Variants in SLC35A3 observed in about 807,000 individuals in gnomAD.
SLC35A3 encodes the protein solute carrier family 35 member A3, also known as UDP-N-acetylglucosamine transporter.
SLC35A3 carries 26 observed loss-of-function variants against 39.0 expected under a neutral mutation model. That is an observed-to-expected ratio of 0.67 (90% CI 0.49 to 0.92). The LOEUF is 0.92. Ranked by LOEUF, SLC35A3 falls within the 40% of genes least tolerant of loss-of-function variation. The probability of loss-of-function intolerance (pLI) is 0.00; values close to 1 mark genes in which losing one functional copy is unlikely to be tolerated. For missense variants in SLC35A3, 299 were observed against 371.6 expected (o/e 0.80, Z 1.61); for synonymous variants, 135 against 133.1 (o/e 1.01, Z -0.10).
At chr1:99,983,353 C>A (rs1334030391) in intron 1 of SLC35A3, among the ~76,000 whole-genome samples, 1 of 151,876 alleles carries the variant, frequency 6.6e-6, no homozygotes, top group African/African-American at 2.4e-5. Flanking sequence ...ACCTGACCAA[C>A]ATGGTGAAAC....
rs376707219 is a variant in SLC35A3 at position 100,022,526 on chromosome 1, G to C, written c.*50G>C. The C allele has an allele frequency of 1.1e-6, 1 of 948,870 alleles. No homozygotes were observed. The allele number at this position is 948,870 out of a possible 1,614,324, so 58.8% of individuals were successfully genotyped here. A position where few individuals can be genotyped will look rare whatever the true frequency, so the allele number is the denominator to read the frequency against. On this transcript the variant is annotated 3_prime_UTR_variant, in exon 8 of 8. Transcript: ENST00000533028. ...TTCACGATGGGGCACTAGGAATCTC[G>C]ACATTAATCTTGCACAGAGGACTTC...
rs2101522206 is a variant in SLC35A3, at chr1:100,024,785, T to A, written c.*2309T>A. 2.5e-6 allele frequency: 1 copy of A among 395,878 alleles called. No homozygotes were observed. Among genetic ancestry groups the A allele is most frequent in the East Asian group, 3.6e-5 (1 of 27,830 alleles). 24.5% of individuals were successfully genotyped at this position (395,878 alleles called of 1,614,324 possible). A position where few individuals can be genotyped will look rare whatever the true frequency, so the allele number is the denominator to read the frequency against. ...GGCGTGAGCCACTGCGCCCGGCCTA[T>A]ACTGTATATATTTTTAAAGACTGTT... On this transcript the variant is annotated 3_prime_UTR_variant, in exon 8 of 8. Coordinates refer to ENST00000533028, the MANE Select transcript of SLC35A3 (RefSeq NM_012243.3).
Position 99,986,165 on chromosome 1 carries a change from C to CTT in SLC35A3, c.-18-7356_-18-7355dup, listed in dbSNP as rs199503957. 7.6e-3 allele frequency among the ~76,000 whole-genome samples: 1,045 copies of CTT among 137,960 alleles called. 9 individuals are homozygous for CTT. The highest frequency in any genetic ancestry group is 0.026 in the African/African-American group (986 of 37,490). 90.5% of individuals were successfully genotyped at this position (137,960 alleles called of 152,430 possible). On this transcript the variant is annotated intron_variant, in intron 1 of 7. Coordinates refer to ENST00000533028, the MANE Select transcript of SLC35A3 (RefSeq NM_012243.3). ...TGATCATTTGTTTGCATATATTCTA[C>CTT]TTTTTTTTTTTTTTTTTGAGACAGG... is the stretch of plus-strand genomic sequence containing the variant.
chr1:100,017,391 A>T (rs1010722457), intron 6 of SLC35A3, among the ~76,000 whole-genome samples: 3 of 152,226 alleles, frequency 2.0e-5, no homozygotes, highest in African/African-American at 7.2e-5. Context: ...AGTGATGTTT[A>T]ATTACTAAAT....
intron 1 of SLC35A3, among the ~76,000 whole-genome samples, chr1:99,981,516 G>C (rs901148361): frequency 6.6e-6 from 1 of 152,014 alleles, no homozygotes; most frequent in Non-Finnish European, 1.5e-5. Flanking sequence ...GTCTTGCTCT[G>C]TTGCCCAGGC....
chr1:99,975,789 G>C (rs1298889842), intron 1 of SLC35A3, among the ~76,000 whole-genome samples: 2 of 152,194 alleles, frequency 1.3e-5, no homozygotes, highest in Non-Finnish European at 2.9e-5. Context: ...GCAAGGCACA[G>C]TGACTCATGC....
intron 3 of SLC35A3, among the ~76,000 whole-genome samples, chr1:100,004,670 A>AT (rs1348659899): frequency 6.6e-6 from 1 of 151,828 alleles, no homozygotes; most frequent in Non-Finnish European, 1.5e-5. Flanking sequence ...CTCTCATTTT[A>AT]TTTTTAAAAA....
intron 1 of SLC35A3, among the ~76,000 whole-genome samples, chr1:99,989,024 G>A (rs1207466239): frequency 2.0e-5 from 3 of 152,074 alleles, no homozygotes; most frequent in Non-Finnish European, 4.4e-5. Flanking sequence ...GCCTCCCAAA[G>A]TGCTGTTTTC....
In SLC35A3 at chr1:100,011,407, G is replaced by T. The variant is rs1341783993; in HGVS notation, c.508G>T (p.Gly170Cys). 1 of 1,570,896 alleles carries T rather than the reference G, an allele frequency of 6.4e-7. No individual in the cohort carries two copies. The highest frequency in any genetic ancestry group is 8.7e-7 in the Non-Finnish European group (1 of 1,154,736). The stretch of plus-strand genomic sequence containing the variant: ...GCTTGATTCTAAGGAACTTTCAGCT[G>T]GTTCTCAATTTGTAGGACTCATGGC... ...SQLDSKELSA[G>C]SQFVGLMAVL... is the part of the protein sequence containing the mutation. The change falls in exon 5 of 8, where the codon GGT (glycine) becomes TGT (cysteine). Residue 170 changes from glycine (G) to cysteine (C), a missense_variant. Gly to Cys is a radical substitution (Grantham distance 159). Transcript: ENST00000533028.
intron 3 of SLC35A3, among the ~76,000 whole-genome samples, chr1:100,003,807 G>T (rs1659001943): frequency 6.6e-6 from 1 of 152,178 alleles, no homozygotes; most frequent in African/African-American, 2.4e-5. Flanking sequence ...GTGCTGCAGA[G>T]TTGGGTGCAT....
chr1:100,033,752 TTC>T lies in SLC35A3; in HGVS notation c.*11278_*11279del, dbSNP rs1201183896. On this transcript the variant is annotated 3_prime_UTR_variant, in exon 8 of 8. Coordinates refer to ENST00000533028, the MANE Select transcript of SLC35A3 (RefSeq NM_012243.3). ...CTGTTCATATTTTCTGTAGTCTTATTTCTTTTTGATTAGAACATATAATATTT... is the reference window on the plus strand; with the variant it reads ...CTGTTCATATTTTCTGTAGTCTTATTTTTTTGATTAGAACATATAATATTT... 6.6e-6 allele frequency: 1 copy of T among 152,200 alleles called. No homozygotes were observed. Among genetic ancestry groups the T allele is most frequent in the Non-Finnish European group, 1.5e-5 (1 of 68,038 alleles). The allele number at this position is 152,200 out of a possible 1,614,324, so 9.4% of individuals were successfully genotyped here. A position where few individuals can be genotyped will look rare whatever the true frequency, so the allele number is the denominator to read the frequency against.
intron 6 of SLC35A3, among the ~76,000 whole-genome samples, chr1:100,016,757 C>T (rs1190422214): frequency 6.6e-6 from 1 of 151,920 alleles, no homozygotes; most frequent in South Asian, 2.1e-4. Context: ...AAATTTGAAG[C>T]GGAGATAGGG....
chr1:99,989,071 C>T (rs1321743436), intron 1 of SLC35A3, among the ~76,000 whole-genome samples: 4 of 152,014 alleles, frequency 2.6e-5, no homozygotes, highest in Admixed American at 6.6e-5. Context: ...TCAAAGTGGT[C>T]GTACCATTTT....
intron 2 of SLC35A3, among the ~76,000 whole-genome samples, chr1:99,995,240 C>T (rs1658335267): frequency 6.6e-6 from 1 of 151,424 alleles, no homozygotes; most frequent in African/African-American, 2.4e-5. Context: ...GTAACCTCCA[C>T]CTCCCTGGTT....
At chr1:99,987,649 T>C (rs1464259681) in intron 1 of SLC35A3, among the ~76,000 whole-genome samples, 2 of 152,120 alleles carry the variant, frequency 1.3e-5, no homozygotes, top group African/African-American at 4.8e-5. Context: ...GATTGTTGAA[T>C]CTCTTTGAAT....
intron 2 of SLC35A3, among the ~76,000 whole-genome samples, chr1:99,998,597 G>T (rs973603392): frequency 3.3e-5 from 5 of 152,126 alleles, no homozygotes; most frequent in Admixed American, 3.3e-4. Context: ...CTTGCTTGGT[G>T]CAGGGTTGCC....
rs550941419 is a variant in SLC35A3 at position 100,005,545 on chromosome 1, C to CT, written c.343-1481dup. On this transcript the variant is annotated intron_variant, in intron 3 of 7. Transcript: ENST00000533028. The stretch of plus-strand genomic sequence containing the variant: ...TTTAGGCTTTTTCATTCTTTTTTCT[C>CT]TTTTTTTTATGTGACTGGCTTATTT... 7.9e-5 allele frequency among the ~76,000 whole-genome samples: 12 copies of CT among 152,000 alleles called. No individual in the cohort carries two copies. The South Asian group carries it at 1.5e-3, about 18-fold the overall frequency.
chr1:99,993,063 A>G (rs1658181781), intron 1 of SLC35A3: 2 of 153,294 alleles, frequency 1.3e-5, no homozygotes, highest in South Asian at 2.1e-4. Flanking sequence ...TTTATTCTGA[A>G]AGACTCTTGC....
At position 99,999,282 on chromosome 1, in the gene SLC35A3, A is replaced by G. The variant is rs1203093532; in HGVS notation, c.209A>G (p.Asn70Ser). The G allele has an allele frequency of 2.5e-6, 4 of 1,572,076 alleles. No individual in the cohort carries two copies. Among genetic ancestry groups the G allele is most frequent in the Non-Finnish European group, 2.6e-6 (3 of 1,161,920 alleles). Reference sequence around the variant, plus strand: ...CTAGAATGTAGTCTAAGAGCACTGAATCGAGTACTACATGATGAAATTCTT... The same window carrying G: ...CTAGAATGTAGTCTAAGAGCACTGAGTCGAGTACTACATGATGAAATTCTT... ...KDSKCSLRAL[N>S]RVLHDEILNK... Residue 70 changes from asparagine to serine, a missense_variant, in exon 3 of 8, where the codon AAT (asparagine) becomes AGT (serine). Coordinates refer to ENST00000533028, the MANE Select transcript of SLC35A3 (RefSeq NM_012243.3).
Sources: allele counts gnomAD v4.1 joint callset (sites outside exome capture counted in the v4.1 genomes callset), GRCh38; gene constraint gnomAD v4.1.1; transcripts MANE v1.5; gene names NCBI Gene and HGNC (gene_info 2026-07-23, HGNC 2026-07-21).